Variants in SPTBN1 observed in about 807,000 individuals in gnomAD.
SPTBN1 encodes the protein spectrin beta, non-erythrocytic 1.
Under a neutral mutation model 266.4 loss-of-function variants are expected in SPTBN1, and 32 were observed. The observed-to-expected ratio is 0.12, with a 90% confidence interval of 0.09 to 0.16. The LOEUF (loss-of-function observed/expected upper bound fraction) is 0.16, where lower values mean the gene tolerates loss of function less well. Ranked by LOEUF, SPTBN1 falls within the 10% of genes least tolerant of loss-of-function variation. The probability of loss-of-function intolerance (pLI) is 1.00; values close to 1 mark genes in which losing one functional copy is unlikely to be tolerated. For synonymous variants in SPTBN1, 1,336 were observed against 1,162.2 expected (o/e 1.15, Z -3.04); for missense variants, 2,296 against 3,067.1 (o/e 0.75, Z 5.94).
chr2:54,625,839 C>A, intron 11 of SPTBN1, 93 bp from the exon 12 acceptor site: 1 of 1,399,660 alleles, frequency 7.1e-7, no homozygotes, highest in Non-Finnish European at 9.7e-7. Flanking sequence ...GATCTGCCCG[C>A]CTCGGCCTCC....
intron 2 of SPTBN1, among the ~76,000 whole-genome samples, chr2:54,563,116 C>T (rs1163960837): frequency 6.6e-6 from 1 of 152,092 alleles, no homozygotes; most frequent in Non-Finnish European, 1.5e-5. Flanking sequence ...GTAACTTTCT[C>T]CTTTCAGACT....
Position 54,664,176 on chromosome 2 carries a change from C to A in SPTBN1, c.6421-277C>A. 3.1e-6 allele frequency: 1 copy of A among 327,454 alleles called. No individual in the cohort carries two copies. Among genetic ancestry groups the A allele is most frequent in the Non-Finnish European group, 5.6e-6 (1 of 180,166 alleles). 20.3% of individuals were successfully genotyped at this position (327,454 alleles called of 1,614,324 possible). A position where few individuals can be genotyped will look rare whatever the true frequency, so the allele number is the denominator to read the frequency against. ...TAAAGTAACCATAAGAGGAGATGATCTGAGTTATATTTATTGATCAGAGGA... is the reference window on the plus strand; with the variant it reads ...TAAAGTAACCATAAGAGGAGATGATATGAGTTATATTTATTGATCAGAGGA... On this transcript the variant is annotated intron_variant, in intron 32 of 35. Transcript: ENST00000356805. This position sits in a 1 kb window ranked among gnomAD's most constrained non-coding sequence, Gnocchi z 5.6.
At chr2:54,590,349 C>G (rs937879610) in intron 2 of SPTBN1, among the ~76,000 whole-genome samples, 3 of 152,214 alleles carry the variant, frequency 2.0e-5, no homozygotes, top group African/African-American at 7.2e-5. Flanking sequence ...TTCAGTGAGA[C>G]CACCACCAAC....
chr2:54,591,294 G>A (rs1164007863), intron 2 of SPTBN1, among the ~76,000 whole-genome samples: 1 of 152,116 alleles, frequency 6.6e-6, no homozygotes, highest in Non-Finnish European at 1.5e-5. Flanking sequence ...ATGTTCATGG[G>A]ATGATTGCTT....
intron 1 of SPTBN1, among the ~76,000 whole-genome samples, chr2:54,482,510 T>G (rs1668151789): frequency 6.6e-6 from 1 of 152,222 alleles, no homozygotes; most frequent in South Asian, 2.1e-4. Flanking sequence ...AAGCCAAGTA[T>G]GCATGCTATC....
intron 1 of SPTBN1, among the ~76,000 whole-genome samples, chr2:54,471,106 A>T (rs557590684): frequency 6.6e-6 from 1 of 152,288 alleles, no homozygotes; most frequent in East Asian, 1.9e-4. Context: ...TGTAGGGATT[A>T]GGTGGGGTGG....
chr2:54,637,562 CTCTT>C, intron 17 of SPTBN1, 147 bp from the exon 18 acceptor site: 1 of 643,924 alleles, frequency 1.6e-6, no homozygotes, highest in South Asian at 2.1e-5. Flanking sequence ...ATGCTAAAAT[CTCTT>C]TATCTTGTCT....
chr2:54,634,151 G>A (rs1228905729), intron 17 of SPTBN1, among the ~76,000 whole-genome samples: 1 of 152,206 alleles, frequency 6.6e-6, no homozygotes, highest in Non-Finnish European at 1.5e-5. Context: ...CACACAGCTG[G>A]TTTCCTGCAG....
chr2:54,657,161 T>C (rs74428985), intron 29 of SPTBN1, among the ~76,000 whole-genome samples: 3 of 152,370 alleles, frequency 2.0e-5, no homozygotes, highest in Non-Finnish European at 4.4e-5. Context: ...TTGGAACTAG[T>C]GTTCCATTTC....
chr2:54,463,555 T>C (rs1363063189), intron 1 of SPTBN1, among the ~76,000 whole-genome samples: 1 of 152,236 alleles, frequency 6.6e-6, no homozygotes, highest in Non-Finnish European at 1.5e-5. Context: ...CCTAGACTTC[T>C]TTGTGTCCCT....
At chr2:54,660,154 T>G (rs1369748259) in intron 32 of SPTBN1, 155 bp downstream of exon 32, 2 of 1,541,722 alleles carry the variant, frequency 1.3e-6, no homozygotes, top group Non-Finnish European at 1.8e-6. Flanking sequence ...TGGCTTCCAC[T>G]TCACCCAAAA....
At chr2:54,578,245 G>T (rs1373622291) in intron 2 of SPTBN1, among the ~76,000 whole-genome samples, 1 of 152,212 alleles carries the variant, frequency 6.6e-6, no homozygotes, top group East Asian at 1.9e-4. Flanking sequence ...TAACCTTGGA[G>T]CAATGTTCAA....
chr2:54,529,686 A>G, intron 2 of SPTBN1: 1 of 719,584 alleles, frequency 1.4e-6, no homozygotes. Context: ...CAGGCTGTGA[A>G]GAAGCTCTGT....
At chr2:54,522,654 G>GAGAA (rs1174568619) in intron 1 of SPTBN1, among the ~76,000 whole-genome samples, 39 of 85,616 alleles carry the variant, frequency 4.6e-4, no homozygotes, top group African/African-American at 1.5e-3. Context: ...GAAAGAGAGA[G>GAGAA]AGAAAGAGAG....
intron 2 of SPTBN1, among the ~76,000 whole-genome samples, chr2:54,539,126 C>A (rs962659672): frequency 6.6e-6 from 1 of 152,148 alleles, no homozygotes; most frequent in Admixed American, 6.6e-5. Context: ...TCCATAGTCT[C>A]CCTCCAGCTG....
rs1260851790 is a variant in SPTBN1 at position 54,558,808 on chromosome 2, C to G, written c.148+32242C>G. Reference sequence around the variant, plus strand: ...AATTGCAGAGGACGTCTAGTATCTCCGGGCCGCTGTCGCCGGCGTACACGG... The same window carrying G: ...AATTGCAGAGGACGTCTAGTATCTCGGGGCCGCTGTCGCCGGCGTACACGG... On this transcript the variant is annotated intron_variant, in intron 2 of 35. Coordinates refer to ENST00000356805, the MANE Select transcript of SPTBN1 (RefSeq NM_003128.3). This position sits in a 1 kb window ranked among gnomAD's most constrained non-coding sequence, Gnocchi z 4.6. 1 of 1,613,712 alleles carries G rather than the reference C, an allele frequency of 6.2e-7. No homozygotes were observed. The highest frequency in any genetic ancestry group is 8.5e-7 in the Non-Finnish European group (1 of 1,179,838).
At chr2:54,616,380 AG>A (rs1423103331) in intron 5 of SPTBN1, 82 bp downstream of exon 5, 18 of 1,240,506 alleles carry the variant, frequency 1.5e-5, no homozygotes, top group Admixed American at 2.0e-5. Context: ...AGGTGTTGAC[AG>A]GTATCTTTTC....
intron 1 of SPTBN1, among the ~76,000 whole-genome samples, chr2:54,510,403 A>C (rs1260175319): frequency 2.0e-5 from 3 of 152,218 alleles, no homozygotes; most frequent in African/African-American, 4.8e-5. Context: ...GAAGGTGAGC[A>C]CAATTTGGTC....
Position 54,533,984 on chromosome 2 carries a change from A to T in SPTBN1, c.148+7418A>T, listed in dbSNP as rs760537253. 2.0e-5 allele frequency among the ~76,000 whole-genome samples: 3 copies of T among 152,114 alleles called. No homozygotes were observed. The highest frequency in any genetic ancestry group is 2.9e-5 in the Non-Finnish European group (2 of 68,036). On this transcript the variant is annotated intron_variant, in intron 2 of 35. Coordinates refer to ENST00000356805, the MANE Select transcript of SPTBN1 (RefSeq NM_003128.3). This position sits in a 1 kb window ranked among gnomAD's most constrained non-coding sequence, Gnocchi z 4.2. ...TCATTTTAAGGGGTAGGGTCTAGTG[A>T]CCTAAAGAGCACTGGAACTTGGAGA...
Sources: allele counts gnomAD v4.1 joint callset (sites outside exome capture counted in the v4.1 genomes callset), GRCh38; gene constraint gnomAD v4.1.1; non-coding constraint Gnocchi (gnomAD v3.1); transcripts MANE v1.5; gene names NCBI Gene and HGNC (gene_info 2026-07-23, HGNC 2026-07-21).